RYR1: variants seen among roughly 807,000 people sequenced by gnomAD.
The protein encoded by RYR1 is ryanodine receptor 1, also known as central core disease of muscle.
Under a neutral mutation model 583.5 loss-of-function variants are expected in RYR1, and 342 were observed. The observed-to-expected ratio is 0.59, with a 90% CI of 0.54 to 0.64. The LOEUF is 0.64. RYR1 is among the 30% of genes least tolerant of loss of function. The probability of loss-of-function intolerance (pLI) is 0.00; values close to 1 mark genes in which losing one functional copy is unlikely to be tolerated. For synonymous variants in RYR1, 2,791 were observed against 2,822.5 expected, an observed-to-expected ratio of 0.99 and a Z score of 0.35; for missense variants, 6,032 against 6,917.2, an observed-to-expected ratio of 0.87 and a Z score of 4.54.
chr19:38,496,308 C>A lies in RYR1; in HGVS notation c.6642C>A (p.Val2214=). 6.2e-7 allele frequency: 1 copy of A among 1,614,058 alleles called. No individual in the cohort carries two copies. The highest frequency in any genetic ancestry group is 8.5e-7 in the Non-Finnish European group (1 of 1,180,038). ...CGGTCATGGAGGTCATGGTCAACGT[C>A]CTCGGGGGCGGCGAGTCCAAGGTGA... ...HETVMEVMVN[V]LGGGESKEIR... The change falls in exon 40 of 106, where the codon GTC becomes GTA. Residue 2214 remains valine, a synonymous_variant. Transcript: ENST00000359596. The surrounding 1 kb of genome is among the most constrained non-coding windows in gnomAD (Gnocchi z 4.8).
Position 38,446,457 on chromosome 19 carries a change from C to G in RYR1, c.632-15C>G. The G allele has an allele frequency of 6.2e-7, 1 of 1,607,634 alleles. No individual in the cohort carries two copies. The highest frequency in any genetic ancestry group is 8.5e-7 in the Non-Finnish European group (1 of 1,174,040). On this transcript the variant is annotated splice_polypyrimidine_tract_variant and intron_variant, in intron 7 of 105. Coordinates refer to ENST00000359596, the MANE Select transcript of RYR1 (RefSeq NM_000540.3). ...TCCAGCCTCCCATTGACCAACTTCC[C>G]TTGCTCCTCTCCAGGCTTCGTGACG...
In RYR1 at chr19:38,561,079, A is replaced by G; in HGVS notation, c.12283-34A>G. On this transcript the variant is annotated intron_variant, in intron 89 of 105. Transcript: ENST00000359596. The surrounding 1 kb of genome is among the most constrained non-coding windows in gnomAD (Gnocchi z 4.8). ...AAAAGAGAGAGAATTGAGGCTCTCC[A>G]GGTCACCCCACTGACCTCCCTGCCC... The G allele has an allele frequency of 6.4e-7, 1 of 1,555,680 alleles. No homozygotes were observed. The highest frequency in any genetic ancestry group is 8.8e-7 in the Non-Finnish European group (1 of 1,130,500).
In RYR1 at chr19:38,486,194, A is replaced by G; in HGVS notation, c.5539A>G (p.Thr1847Ala). The G allele has an allele frequency of 6.2e-7, 1 of 1,612,678 alleles. No homozygotes were observed. Among genetic ancestry groups the G allele is most frequent in the Non-Finnish European group, 8.5e-7 (1 of 1,179,898 alleles). Reference protein sequence around the residue: ...QFVPVLKLVSTLLVMGIFGDE... With the variant: ...QFVPVLKLVSALLVMGIFGDE... ...TGTGCCTGTGCTCAAGCTCGTGTCCACCCTGCTGGTAATGGCTTCCTCCTG... is the reference window on the plus strand; with the variant it reads ...TGTGCCTGTGCTCAAGCTCGTGTCCGCCCTGCTGGTAATGGCTTCCTCCTG... Residue 1847 changes from threonine (T) to alanine (A), a missense_variant, in exon 34 of 106, where the codon ACC becomes GCC. Transcript: ENST00000359596.
intron 92 of RYR1, 129 bp downstream of exon 92, chr19:38,567,116 C>CAGGCACGG (rs1456534960): frequency 1.4e-6 from 2 of 1,452,200 alleles, no homozygotes; most frequent in Admixed American, 4.1e-5. Flanking sequence ...AGCCCAGACT[C>CAGGCACGG]AGGCACGGAG....
intron 88 of RYR1, among the ~76,000 whole-genome samples, chr19:38,547,437 A>C (rs1972482384): frequency 6.6e-6 from 1 of 151,958 alleles, no homozygotes; most frequent in Non-Finnish European, 1.5e-5. Flanking sequence ...GCAGTTTGCC[A>C]ATCTCTACCT....
rs1199677789 is a variant in RYR1 at position 38,507,739 on chromosome 19, G to A, written c.8844G>A (p.Ser2948=). Residue 2948 remains serine (S), a synonymous_variant, in exon 58 of 106, where the codon TCG becomes TCA. Coordinates refer to ENST00000359596, the MANE Select transcript of RYR1 (RefSeq NM_000540.3). ...TRGLKDMELD[S]SSIEKRFAFG... ...GCCTTAAGGACATGGAACTGGACTCGTCTTCCATTGAAAAGCGGTTTGCCT... is the reference window on the plus strand; with the variant it reads ...GCCTTAAGGACATGGAACTGGACTCATCTTCCATTGAAAAGCGGTTTGCCT... The A allele has an allele frequency of 5.6e-6, 9 of 1,613,090 alleles. No homozygotes were observed. Among genetic ancestry groups the A allele is most frequent in the African/African-American group, 2.7e-5 (2 of 74,892 alleles).
intron 101 of RYR1, among the ~76,000 whole-genome samples, chr19:38,584,398 C>T (rs1974359097): frequency 7.3e-6 from 1 of 136,606 alleles, no homozygotes; most frequent in Non-Finnish European, 1.6e-5. Flanking sequence ...CCTAACCTCT[C>T]AGCCTGTACC....
intron 78 of RYR1, 127 bp downstream of exon 78, chr19:38,532,863 T>C (rs1971803714): frequency 6.5e-6 from 6 of 919,710 alleles, no homozygotes; most frequent in Non-Finnish European, 6.9e-6. Context: ...GTCAGTCCAC[T>C]GGGGAGACAG....
At position 38,483,233 on chromosome 19, in the gene RYR1, T is replaced by G. The variant is rs984450108; in HGVS notation, c.4708-57T>G. 2.0e-5 allele frequency: 31 copies of G among 1,579,252 alleles called. No individual in the cohort carries two copies. Among genetic ancestry groups the G allele is most frequent in the Admixed American group, 1.3e-4 (7 of 54,746 alleles). On this transcript the variant is annotated intron_variant, in intron 32 of 105. Transcript: ENST00000359596. This position sits in a 1 kb window ranked among gnomAD's most constrained non-coding sequence, Gnocchi z 6.3. ...ATCCAAGAGGTCTCCCTGGAAGTGG[T>G]GTGGTGGGACAGAGGGGGCTGGCCA...
chr19:38,488,095 G>A (rs1377355414), intron 34 of RYR1, among the ~76,000 whole-genome samples: 1 of 152,092 alleles, frequency 6.6e-6, no homozygotes, highest in African/African-American at 2.4e-5. Flanking sequence ...GTGATTACAG[G>A]TGTGAGCCAC....
intron 20 of RYR1, among the ~76,000 whole-genome samples, chr19:38,462,798 G>C (rs1243836593): frequency 4.6e-5 from 7 of 151,980 alleles, no homozygotes; most frequent in Non-Finnish European, 1.0e-4. Context: ...GGACTTGGTG[G>C]AGACCAGGGC....
rs569315575 is a variant in RYR1, at chr19:38,470,575, A to G, written c.3765+1062A>G. On this transcript the variant is annotated intron_variant, in intron 27 of 105. Transcript: ENST00000359596. ...GCCAATATGGCAAAAACCCATCTCT[A>G]CTAAAAATACTCCCCCAAAATTAAT... Among the ~76,000 whole-genome samples, 10 of 152,204 alleles carry G rather than the reference A, an allele frequency of 6.6e-5. No homozygotes were observed. The East Asian group carries it at 1.9e-3, about 29-fold the overall frequency.
chr19:38,510,536 C>T lies in RYR1; in HGVS notation c.8971C>T (p.His2991Tyr), dbSNP rs1413941509. ...VSSGRVEKSPHEQEIKFFAKI... is the reference protein window; with the variant it reads ...VSSGRVEKSPYEQEIKFFAKI... ...CAGTGGGCGAGTGGAAAAGTCCCCA[C>T]ATGAACAGGAGATTAAATTCTTTGC... is the stretch of plus-strand genomic sequence containing the variant. The change falls in exon 59 of 106, where the codon CAT becomes TAT. Residue 2991 changes from histidine to tyrosine, a missense_variant. His to Tyr is a moderately conservative substitution (Grantham distance 83). Around this residue, in one of 11 missense-constraint regions of RYR1, gnomAD observed 1,493 missense variants for 1,715.5 expected, o/e 0.87. Coordinates refer to ENST00000359596, the MANE Select transcript of RYR1 (RefSeq NM_000540.3). 2 of 1,614,176 alleles carry T rather than the reference C, an allele frequency of 1.2e-6. No homozygotes were observed. The highest frequency in any genetic ancestry group is 1.1e-5 in the South Asian group (1 of 91,090).
chr19:38,485,499 A>G, intron 33 of RYR1, 91 bp from the exon 34 acceptor site: 2 of 1,509,326 alleles, frequency 1.3e-6, no homozygotes, highest in Non-Finnish European at 1.8e-6. Flanking sequence ...ATGGGTGGAT[A>G]GTGATGAAGG....
rs541627923 is a variant in RYR1 at position 38,578,031 on chromosome 19, G to T, written c.14286G>T (p.Pro4762=). 1 of 1,614,066 alleles carries T rather than the reference G, an allele frequency of 6.2e-7. No individual in the cohort carries two copies. The highest frequency in any genetic ancestry group is 8.5e-7 in the Non-Finnish European group (1 of 1,179,992). The change falls in exon 98 of 106, where the codon CCG becomes CCT. Residue 4762 remains proline, a synonymous_variant. Transcript: ENST00000359596. The stretch of plus-strand genomic sequence containing the variant: ...ACAATGAGCGCAAGCCCAACCCGCC[G>T]CCAGGGCTGCTGACCTGGTGAGCCC... ...TAHNERKPNP[P]PGLLTWLMSI...
chr19:38,584,904 G>T, intron 101 of RYR1, 39 bp from the exon 102 acceptor site: 1 of 1,612,566 alleles, frequency 6.2e-7, no homozygotes, highest in Non-Finnish European at 8.5e-7. Flanking sequence ...CTCAGTGAAT[G>T]TCGAATGAAT....
At chr19:38,473,231 C>A in intron 27 of RYR1, 146 bp from the exon 28 acceptor site, 2 of 1,016,910 alleles carry the variant, frequency 2.0e-6, no homozygotes, top group Non-Finnish European at 3.0e-6. Flanking sequence ...GGAGCTTCAT[C>A]CCCCTGCAGG....
chr19:38,547,894 A>G (rs201324861), intron 88 of RYR1, among the ~76,000 whole-genome samples: 1 of 151,846 alleles, frequency 6.6e-6, no homozygotes, highest in Non-Finnish European at 1.5e-5. Context: ...TGTATTTTTA[A>G]TAGAGACGGG....
intron 59 of RYR1, 22 bp downstream of exon 59, chr19:38,510,587 T>G: frequency 6.2e-7 from 1 of 1,614,166 alleles, no homozygotes; most frequent in East Asian, 2.2e-5. Context: ...GCTTAGAAGC[T>G]GGAGGGCGCT....
Sources: allele counts gnomAD v4.1 joint callset (sites outside exome capture counted in the v4.1 genomes callset), GRCh38; gene constraint gnomAD v4.1.1; regional missense constraint gnomAD v4.1.1; non-coding constraint Gnocchi (gnomAD v3.1); transcripts MANE v1.5; gene names NCBI Gene and HGNC (gene_info 2026-07-23, HGNC 2026-07-21).